TRIM58: variants seen among roughly 807,000 people sequenced by gnomAD.
TRIM58 encodes the protein E3 ubiquitin-protein ligase TRIM58.
Under a neutral mutation model 34.1 loss-of-function variants are expected in TRIM58, and 38 were observed. The ratio of observed to expected loss-of-function variants is 1.12; its 90% confidence interval spans 0.86 to 1.46. TRIM58 has a LOEUF of 1.46. Among genes scored for constraint, TRIM58 ranks in the 40% most tolerant of loss-of-function variants. The pLI is 0.00. For missense variants in TRIM58, 677 were observed against 642.0 expected (o/e 1.05, Z -0.59); for synonymous variants, 273 against 275.7 (o/e 0.99, Z 0.10).
intron 3 of TRIM58, 128 bp from the exon 4 acceptor site, chr1:247,867,717 T>C (rs889988671): frequency 9.3e-7 from 1 of 1,073,534 alleles, no homozygotes; most frequent in African/African-American, 1.6e-5. Context: ...AGAGATTTAT[T>C]GTCCCCTATA....
chr1:247,862,811 T>A (rs1447071525), intron 2 of TRIM58, among the ~76,000 whole-genome samples: 2 of 152,220 alleles, frequency 1.3e-5, no homozygotes, highest in African/African-American at 2.4e-5. Context: ...AAAGTTATTC[T>A]AAATACTGCA....
chr1:247,873,122 C>T (rs976964363), intron 5 of TRIM58, among the ~76,000 whole-genome samples: 3 of 151,970 alleles, frequency 2.0e-5, no homozygotes, highest in East Asian at 1.9e-4. Flanking sequence ...CCCAGCTACT[C>T]GGGAGGCTGA....
At position 247,873,890 on chromosome 1, in the gene TRIM58, T is replaced by C. The variant is rs916381401; in HGVS notation, c.872-2010T>C. Among the ~76,000 whole-genome samples, 4 of 152,066 alleles carry C rather than the reference T, an allele frequency of 2.6e-5. No homozygotes were observed. In the East Asian group the frequency reaches 5.8e-4, roughly 22 times the overall value. ...CTGAGGTCAGGGGATGGCTTGAGTC[T>C]GAGAGGTGGAGGCTGCAGTGAGCTG... On this transcript the variant is annotated intron_variant, in intron 5 of 5. Coordinates refer to ENST00000366481, the MANE Select transcript of TRIM58 (RefSeq NM_015431.4).
At position 247,861,776 on chromosome 1, in the gene TRIM58, A is replaced by G. The variant is rs566932783; in HGVS notation, c.516+1064A>G. Among the ~76,000 whole-genome samples, 160 of 152,248 alleles carry G rather than the reference A, an allele frequency of 1.1e-3. 1 individual carries two copies. Among genetic ancestry groups the G allele is most frequent in the Non-Finnish European group, 1.6e-3 (112 of 68,020 alleles). Reference sequence around the variant, plus strand: ...TTTTCTTTATTTACTACATTACTAGATTACAATATAGATATATACGGATAG... The same window carrying G: ...TTTTCTTTATTTACTACATTACTAGGTTACAATATAGATATATACGGATAG... On this transcript the variant is annotated intron_variant, in intron 2 of 5. Coordinates refer to ENST00000366481, the MANE Select transcript of TRIM58 (RefSeq NM_015431.4).
chr1:247,862,957 C>G (rs1042740292), intron 2 of TRIM58, among the ~76,000 whole-genome samples: 1 of 152,126 alleles, frequency 6.6e-6, no homozygotes, highest in Non-Finnish European at 1.5e-5. Flanking sequence ...ATGACTCTAC[C>G]CTTCTCCAGT....
At chr1:247,864,956 A>G (rs559373024) in intron 3 of TRIM58, 21 bp downstream of exon 3, 2 of 1,544,386 alleles carry the variant, frequency 1.3e-6, no homozygotes, top group African/African-American at 1.4e-5. Context: ...GTGCCAGAAA[A>G]GCAGGCAGAT....
chr1:247,871,698 A>G (rs1374264426), intron 5 of TRIM58, among the ~76,000 whole-genome samples: 1 of 152,306 alleles, frequency 6.6e-6, no homozygotes, highest in Admixed American at 6.5e-5. Context: ...GAATGAAATC[A>G]TTCAAAATGT....
chr1:247,875,548 T>A (rs1659264126), intron 5 of TRIM58, among the ~76,000 whole-genome samples: 2 of 152,032 alleles, frequency 1.3e-5, no homozygotes, highest in Admixed American at 1.3e-4. Context: ...TCTGTCTCTC[T>A]CTCTCTCTCT....
chr1:247,879,456 T>G lies in TRIM58; in HGVS notation c.*2967T>G, dbSNP rs1473866763. On this transcript the variant is annotated 3_prime_UTR_variant, in exon 6 of 6. Transcript: ENST00000366481. ...CCCATTCTCTCTACAGCAGCTGGGC[T>G]GATTCCTTTAGCACCCAAGGATATG... Among the ~76,000 whole-genome samples, 2 of 152,204 alleles carry G rather than the reference T, an allele frequency of 1.3e-5. No homozygotes were observed. Among genetic ancestry groups the G allele is most frequent in the Non-Finnish European group, 2.9e-5 (2 of 68,042 alleles).
intron 5 of TRIM58, among the ~76,000 whole-genome samples, chr1:247,874,641 A>G (rs538019399): frequency 6.6e-6 from 1 of 152,310 alleles, no homozygotes; most frequent in Admixed American, 6.5e-5. Context: ...TGTCTCATCA[A>G]TCTCACTGGG....
At chr1:247,874,731 G>C (rs904105698) in intron 5 of TRIM58, among the ~76,000 whole-genome samples, 2 of 152,136 alleles carry the variant, frequency 1.3e-5, no homozygotes, top group Admixed American at 1.3e-4. Context: ...CCATTTAGTA[G>C]CTCATGGTTC....
chr1:247,873,870 G>T (rs1451855678), intron 5 of TRIM58, among the ~76,000 whole-genome samples: 1 of 152,148 alleles, frequency 6.6e-6, no homozygotes, highest in East Asian at 1.9e-4. Flanking sequence ...GAGGGCTGAG[G>T]TCAGGGGATG....
Position 247,876,502 on chromosome 1 carries a change from A to G in TRIM58, c.*13A>G, listed in dbSNP as rs1338948745. The G allele has an allele frequency of 1.9e-6, 3 of 1,605,160 alleles. No individual in the cohort carries two copies. Among genetic ancestry groups the G allele is most frequent in the Middle Eastern group, 3.3e-4 (2 of 6,034 alleles). On this transcript the variant is annotated 3_prime_UTR_variant, in exon 6 of 6. Transcript: ENST00000366481. Reference sequence around the variant, plus strand: ...TGATCATCTCTAAAATTCTGTTCCCAAGATGCAGTCCTAGCGTAGCGAACG... The same window carrying G: ...TGATCATCTCTAAAATTCTGTTCCCGAGATGCAGTCCTAGCGTAGCGAACG...
Position 247,857,197 on chromosome 1 carries a change from A to C in TRIM58, c.-50A>C. ...GGCTCCTCCCCCTGTGCAGACCGCG[A>C]GGGGAGACGGTGCGGGCGGCCGGGA... On this transcript the variant is annotated 5_prime_UTR_variant, in exon 1 of 6. Coordinates refer to ENST00000366481, the MANE Select transcript of TRIM58 (RefSeq NM_015431.4). 7.7e-7 allele frequency: 1 copy of C among 1,302,884 alleles called. No homozygotes were observed. The highest frequency in any genetic ancestry group is 9.8e-7 in the Non-Finnish European group (1 of 1,021,596). 80.7% of individuals were successfully genotyped at this position (1,302,884 alleles called of 1,614,324 possible). A position where few individuals can be genotyped will look rare whatever the true frequency, so the allele number is the denominator to read the frequency against.
At chr1:247,864,225 G>T (rs955084993) in intron 2 of TRIM58, among the ~76,000 whole-genome samples, 1 of 152,010 alleles carries the variant, frequency 6.6e-6, no homozygotes, top group African/African-American at 2.4e-5. Flanking sequence ...GCTTACTGCA[G>T]CCTCGAGCTC....
In TRIM58 at chr1:247,878,277, A is replaced by C. The variant is rs1464629777; in HGVS notation, c.*1788A>C. Reference sequence around the variant, plus strand: ...CTAACCAAATATTAATTAATGGCAAATTATTTAACATTATCTGATAATAAT... The same window carrying C: ...CTAACCAAATATTAATTAATGGCAACTTATTTAACATTATCTGATAATAAT... On this transcript the variant is annotated 3_prime_UTR_variant, in exon 6 of 6. Coordinates refer to ENST00000366481, the MANE Select transcript of TRIM58 (RefSeq NM_015431.4). The C allele has an allele frequency of 6.6e-6, 1 of 152,172 alleles. No individual in the cohort carries two copies. Among genetic ancestry groups the C allele is most frequent in the Admixed American group, 6.5e-5 (1 of 15,282 alleles). 9.4% of individuals were successfully genotyped at this position (152,172 alleles called of 1,614,324 possible).
chr1:247,877,617 T>C lies in TRIM58; in HGVS notation c.*1128T>C, dbSNP rs1034121648. ...TCAAACAACACTTCTCTCTCTCTTT[T>C]AGCTGCTTGTTATGGTTCCTATACA... On this transcript the variant is annotated 3_prime_UTR_variant, in exon 6 of 6. Coordinates refer to ENST00000366481, the MANE Select transcript of TRIM58 (RefSeq NM_015431.4). 1 of 152,000 alleles carries C rather than the reference T, an allele frequency of 6.6e-6. No individual in the cohort carries two copies. 9.4% of individuals were successfully genotyped at this position (152,000 alleles called of 1,614,324 possible). A position where few individuals can be genotyped will look rare whatever the true frequency, so the allele number is the denominator to read the frequency against.
At chr1:247,875,851 T>C in intron 5 of TRIM58, 49 bp from the exon 6 acceptor site, 2 of 1,516,284 alleles carry the variant, frequency 1.3e-6, no homozygotes, top group East Asian at 2.3e-5. Context: ...CCTAAGTTTC[T>C]ACCAGTCCTT....
intron 5 of TRIM58, among the ~76,000 whole-genome samples, chr1:247,868,716 C>T (rs1163892786): frequency 6.6e-6 from 1 of 152,118 alleles, no homozygotes; most frequent in Admixed American, 6.5e-5. Flanking sequence ...AAACAGCTGA[C>T]AAAACTTAGG....
Sources: allele counts gnomAD v4.1 joint callset (sites outside exome capture counted in the v4.1 genomes callset), GRCh38; gene constraint gnomAD v4.1.1; transcripts MANE v1.5; gene names NCBI Gene and HGNC (gene_info 2026-07-23, HGNC 2026-07-21).